Variants in DDX10 observed in about 807,000 individuals in gnomAD.
DDX10 encodes probable ATP-dependent RNA helicase DDX10.
A neutral mutation model predicts 104.3 loss-of-function variants in DDX10; 74 were observed. The observed-to-expected ratio is 0.71, with a 90% confidence interval of 0.59 to 0.86. DDX10 has a LOEUF of 0.86. Ranked by LOEUF, DDX10 falls within the 40% of genes least tolerant of loss-of-function variation. DDX10 has a pLI of 0.00. For missense variants in DDX10, 952 were observed against 1,040.0 expected, an observed-to-expected ratio of 0.92 and a Z score of 1.16; for synonymous variants, 351 against 353.4, an observed-to-expected ratio of 0.99 and a Z score of 0.08.
chr11:108,665,273 A>G lies in DDX10; in HGVS notation c.120A>G (p.Gln40=), dbSNP rs2094208563. The G allele has an allele frequency of 6.2e-7, 1 of 1,609,310 alleles. No individual in the cohort carries two copies. Among genetic ancestry groups the G allele is most frequent in the Non-Finnish European group, 8.5e-7 (1 of 1,178,118 alleles). Residue 40 remains glutamine (Q), a synonymous_variant, in exon 1 of 18, where the codon CAA becomes CAG. Coordinates refer to ENST00000322536, the MANE Select transcript of DDX10 (RefSeq NM_004398.4). ...ACAAAAAGAAGCAGTTGAGGAAGCA[A>G]CTGAAGAAACCCGAATGGCAGGTCG... is the stretch of plus-strand genomic sequence containing the variant. ...RQNKKKQLRK[Q]LKKPEWQVER...
In DDX10 at chr11:108,690,756, G is replaced by A. The variant is rs2094251334; in HGVS notation, c.976-1120G>A. On this transcript the variant is annotated intron_variant, in intron 7 of 17. Coordinates refer to ENST00000322536, the MANE Select transcript of DDX10 (RefSeq NM_004398.4). ...AGGACCTCAGACTCCTTGATGGGCA[G>A]GAGAAGAGATAGATCTCCTCCAGGG... 3.8e-5 allele frequency: 9 copies of A among 238,574 alleles called. No homozygotes were observed. The South Asian group carries it at 5.0e-4, about 13-fold the overall frequency. 14.8% of individuals were successfully genotyped at this position (238,574 alleles called of 1,614,324 possible).
chr11:108,904,099 A>G (rs922765984), intron 16 of DDX10, among the ~76,000 whole-genome samples: 2 of 152,146 alleles, frequency 1.3e-5, no homozygotes, highest in Non-Finnish European at 2.9e-5. Context: ...GAGAGAAAAA[A>G]AATTTTTTTT....
intron 13 of DDX10, among the ~76,000 whole-genome samples, chr11:108,779,260 C>G (rs1446230488): frequency 6.6e-6 from 1 of 152,142 alleles, no homozygotes; most frequent in East Asian, 1.9e-4. Flanking sequence ...CAGCACTATT[C>G]ACAATAGCAA....
At chr11:108,884,731 G>T (rs935872750) in intron 16 of DDX10, among the ~76,000 whole-genome samples, 1 of 152,116 alleles carries the variant, frequency 6.6e-6, no homozygotes, top group South Asian at 2.1e-4. Context: ...CTCTTTTGCT[G>T]CTTGAGAATT....
At chr11:108,878,627 T>A (rs1220411861) in intron 16 of DDX10, among the ~76,000 whole-genome samples, 1 of 152,228 alleles carries the variant, frequency 6.6e-6, no homozygotes, top group Non-Finnish European at 1.5e-5. Context: ...TTCACTTGGT[T>A]CTTTCTTTTT....
At chr11:108,726,331 C>T (rs2094305411) in intron 13 of DDX10, among the ~76,000 whole-genome samples, 1 of 152,040 alleles carries the variant, frequency 6.6e-6, no homozygotes, top group Non-Finnish European at 1.5e-5. Flanking sequence ...AGAGAATTGA[C>T]ATCATAACAA....
At chr11:108,797,960 A>C (rs1311271752) in intron 13 of DDX10, among the ~76,000 whole-genome samples, 1 of 152,080 alleles carries the variant, frequency 6.6e-6, no homozygotes, top group Admixed American at 6.5e-5. Flanking sequence ...CCTTCCTCTT[A>C]CCCATGGTAG....
At chr11:108,816,814 A>G (rs1862262104) in intron 13 of DDX10, among the ~76,000 whole-genome samples, 1 of 152,132 alleles carries the variant, frequency 6.6e-6, no homozygotes, top group East Asian at 1.9e-4. Context: ...TTGGCTTCCC[A>G]AAGTGCTGGG....
chr11:108,869,777 A>AT (rs1488968053), intron 16 of DDX10, among the ~76,000 whole-genome samples: 1 of 152,048 alleles, frequency 6.6e-6, no homozygotes, highest in Non-Finnish European at 1.5e-5. Context: ...GGCAGTAGAG[A>AT]TTTTTACTTT....
chr11:108,905,055 C>T (rs1044060660), intron 16 of DDX10, among the ~76,000 whole-genome samples: 9 of 152,096 alleles, frequency 5.9e-5, no homozygotes, highest in Admixed American at 1.3e-4. Context: ...CTGGGAGTTG[C>T]GGGCTGCCCG....
At chr11:108,817,899 C>CA (rs1345681165) in intron 13 of DDX10, among the ~76,000 whole-genome samples, 1 of 152,138 alleles carries the variant, frequency 6.6e-6, no homozygotes, top group Non-Finnish European at 1.5e-5. Context: ...ACTGTGAAAA[C>CA]AAAAAGAACA....
intron 15 of DDX10, among the ~76,000 whole-genome samples, chr11:108,851,877 T>C (rs1399703835): frequency 6.6e-6 from 1 of 152,218 alleles, no homozygotes; most frequent in African/African-American, 2.4e-5. Context: ...ATGTTTTACC[T>C]GTCCTGTTAG....
chr11:108,694,474 G>A (rs2094256970), intron 9 of DDX10, among the ~76,000 whole-genome samples: 1 of 152,116 alleles, frequency 6.6e-6, no homozygotes, highest in Admixed American at 6.5e-5. Flanking sequence ...TCCTAGTTCA[G>A]GAAACAGAGA....
At chr11:108,857,122 A>G (rs1862880862) in intron 16 of DDX10, among the ~76,000 whole-genome samples, 1 of 152,194 alleles carries the variant, frequency 6.6e-6, no homozygotes, top group South Asian at 2.1e-4. Flanking sequence ...ATATGCCCCC[A>G]GGTTTCCTGA....
intron 13 of DDX10, among the ~76,000 whole-genome samples, chr11:108,728,004 A>C (rs892246394): frequency 6.6e-6 from 1 of 152,090 alleles, no homozygotes; most frequent in Admixed American, 6.5e-5. Context: ...AGTAAATGCA[A>C]ATTTTATTAA....
In DDX10 at chr11:108,677,932, A is replaced by C. The variant is rs1042845901; in HGVS notation, c.538-383A>C. 6.7e-4 allele frequency among the ~76,000 whole-genome samples: 102 copies of C among 152,208 alleles called. 3 individuals carry two copies. Among genetic ancestry groups the C allele is most frequent in the Non-Finnish European group, 8.1e-4 (55 of 68,030 alleles). On this transcript the variant is annotated intron_variant, in intron 4 of 17. Coordinates refer to ENST00000322536, the MANE Select transcript of DDX10 (RefSeq NM_004398.4). ...CGGCTTTTTTCAGTTCACAAAGTAC[A>C]GTCCTTGAGCGGTGTCAGAGTCTGT... is the stretch of plus-strand genomic sequence containing the variant.
intron 6 of DDX10, among the ~76,000 whole-genome samples, chr11:108,687,384 C>T (rs2094245843): frequency 6.6e-6 from 1 of 152,280 alleles, no homozygotes; most frequent in Admixed American, 6.5e-5. Context: ...TCATGGCTCA[C>T]TGCAGCCTCG....
chr11:108,665,416 G>A, intron 1 of DDX10, 77 bp downstream of exon 1: 3 of 1,450,814 alleles, frequency 2.1e-6, no homozygotes, highest in Non-Finnish European at 2.7e-6. Context: ...GAGTTGCAGA[G>A]TGGAGGCGGC....
At position 108,782,700 on chromosome 11, in the gene DDX10, G is replaced by A. The variant is rs1388551491; in HGVS notation, c.1966-55746G>A. Among the ~76,000 whole-genome samples the A allele has an allele frequency of 3.3e-5, 5 of 151,964 alleles. No individual in the cohort carries two copies. The South Asian group carries it at 8.3e-4, about 25-fold the overall frequency. ...TCCCTTTATAGTGACCCTGTTTGCA[G>A]TGTCTACCAAATGACTAACCAGTAG... On this transcript the variant is annotated intron_variant, in intron 13 of 17. Coordinates refer to ENST00000322536, the MANE Select transcript of DDX10 (RefSeq NM_004398.4).
Sources: allele counts gnomAD v4.1 joint callset (sites outside exome capture counted in the v4.1 genomes callset), GRCh38; gene constraint gnomAD v4.1.1; transcripts MANE v1.5; gene names NCBI Gene and HGNC (gene_info 2026-07-23, HGNC 2026-07-21).